The following RYR3 variants were observed in gnomAD, a reference collection of about 807,000 sequenced individuals.
The protein encoded by RYR3 is ryanodine receptor 3, also known as brain ryanodine receptor-calcium release channel.
RYR3 carries 207 observed loss-of-function variants against 584.3 expected under a neutral mutation model. That is an observed-to-expected ratio of 0.35 (90% CI 0.32 to 0.40). RYR3 has a LOEUF of 0.40. RYR3 is among the 10% of genes least tolerant of loss of function. RYR3 has a pLI of 1.00. For synonymous variants in RYR3, 2,416 were observed against 2,248.5 expected (o/e 1.07, Z -2.11); for missense variants, 5,616 against 6,089.2 (o/e 0.92, Z 2.59).
chr15:33,554,771 A>T (rs2056957122), intron 10 of RYR3, among the ~76,000 whole-genome samples: 1 of 152,236 alleles, frequency 6.6e-6, no homozygotes, highest in Admixed American at 6.5e-5. Context: ...TTGCAAGGCC[A>T]TTCCCACAAG....
chr15:33,729,444 A>C (rs2068752602), intron 47 of RYR3, among the ~76,000 whole-genome samples: 1 of 152,190 alleles, frequency 6.6e-6, no homozygotes, highest in South Asian at 2.1e-4. Context: ...CCGTGTCTCT[A>C]TTGCCTTTGA....
chr15:33,850,113 GTTCA>G (rs1381733697), intron 94 of RYR3: 2 of 152,152 alleles, frequency 1.3e-5, no homozygotes, highest in Non-Finnish European at 2.9e-5. Context: ...AGGCACAATG[GTTCA>G]TGCCTGTAAT....
chr15:33,410,722 G>A (rs967554893), intron 1 of RYR3, among the ~76,000 whole-genome samples: 7 of 152,202 alleles, frequency 4.6e-5, no homozygotes, highest in Admixed American at 3.9e-4. Context: ...CATGGCAGTG[G>A]GTGGAAGGCC....
At chr15:33,503,392 C>T (rs1567388396) in intron 2 of RYR3, among the ~76,000 whole-genome samples, 1 of 152,146 alleles carries the variant, frequency 6.6e-6, no homozygotes, top group Non-Finnish European at 1.5e-5. Context: ...CACCAGCCTT[C>T]CCTCAAGTCG....
At chr15:33,662,079 G>T (rs1383774652) in intron 34 of RYR3, 74 bp from the exon 35 acceptor site, 9 of 1,299,470 alleles carry the variant, frequency 6.9e-6, no homozygotes, top group South Asian at 1.5e-5. Context: ...TGCCTTTGTT[G>T]GGCTGGATGA....
intron 3 of RYR3, among the ~76,000 whole-genome samples, chr15:33,515,913 A>G (rs2053477208): frequency 6.6e-6 from 1 of 152,216 alleles, no homozygotes; most frequent in African/African-American, 2.4e-5. Context: ...TGCATAATAG[A>G]TACCACTTCG....
chr15:33,627,353 G>A (rs917379882), intron 20 of RYR3, among the ~76,000 whole-genome samples: 2 of 152,196 alleles, frequency 1.3e-5, no homozygotes, highest in Non-Finnish European at 1.5e-5. Flanking sequence ...CGAGATAGGA[G>A]CAAAACACCA....
At chr15:33,672,701 G>A (rs898276219) in intron 38 of RYR3, among the ~76,000 whole-genome samples, 5 of 152,142 alleles carry the variant, frequency 3.3e-5, no homozygotes, top group African/African-American at 1.2e-4. Flanking sequence ...TAAATTATTG[G>A]TAATTTTGTT....
chr15:33,351,744 T>C (rs1043220077), intron 1 of RYR3, among the ~76,000 whole-genome samples: 2 of 151,492 alleles, frequency 1.3e-5, no homozygotes, highest in Non-Finnish European at 2.9e-5. Flanking sequence ...AAATTAGGTA[T>C]TGATGGGATG....
intron 1 of RYR3, among the ~76,000 whole-genome samples, chr15:33,337,934 A>AGTTTT (rs1971329085): frequency 8.8e-6 from 1 of 113,550 alleles, no homozygotes; most frequent in Non-Finnish European, 1.7e-5. Context: ...ATTTTAGGAG[A>AGTTTT]TTTTTTTTTT....
At chr15:33,794,621 G>A (rs959349441) in intron 67 of RYR3, among the ~76,000 whole-genome samples, 1 of 152,058 alleles carries the variant, frequency 6.6e-6, no homozygotes, top group Non-Finnish European at 1.5e-5. Flanking sequence ...TGCGGTGTTT[G>A]ACAGTTGCTA....
chr15:33,744,142 C>T (rs1304839480), intron 52 of RYR3, among the ~76,000 whole-genome samples: 1 of 152,210 alleles, frequency 6.6e-6, no homozygotes, highest in East Asian at 1.9e-4. Flanking sequence ...CACATTCTCA[C>T]AGCGTTCACC....
At chr15:33,666,562 G>C (rs779420036) in intron 36 of RYR3, among the ~76,000 whole-genome samples, 2 of 152,126 alleles carry the variant, frequency 1.3e-5, no homozygotes, top group Non-Finnish European at 2.9e-5. Flanking sequence ...CAATTTCAGA[G>C]AATAGCAATG....
chr15:33,808,131 C>T (rs1177855040), intron 70 of RYR3, among the ~76,000 whole-genome samples: 3 of 152,208 alleles, frequency 2.0e-5, no homozygotes, highest in Non-Finnish European at 4.4e-5. Flanking sequence ...CTCTGCTCTA[C>T]ACTATGCAGT....
intron 2 of RYR3, among the ~76,000 whole-genome samples, chr15:33,485,077 T>A (rs1388007174): frequency 6.6e-6 from 1 of 151,958 alleles, no homozygotes; most frequent in Non-Finnish European, 1.5e-5. Flanking sequence ...TCCTGAGAGA[T>A]CAGAAAAGAA....
chr15:33,370,354 T>C (rs1392775843), intron 1 of RYR3, among the ~76,000 whole-genome samples: 1 of 152,204 alleles, frequency 6.6e-6, no homozygotes, highest in African/African-American at 2.4e-5. Flanking sequence ...TTGATGTCTG[T>C]AATCATCATG....
chr15:33,328,899 TTTTC>T, intron 1 of RYR3, among the ~76,000 whole-genome samples: 1 of 152,330 alleles, frequency 6.6e-6, no homozygotes, highest in East Asian at 1.9e-4. Context: ...TTTTCCCTTG[TTTTC>T]AGATGTATCT....
chr15:33,853,193 G>A, intron 95 of RYR3, 106 bp downstream of exon 95: 1 of 1,054,548 alleles, frequency 9.5e-7, no homozygotes, highest in Non-Finnish European at 1.4e-6. Context: ...CTACTTTTAT[G>A]ATAATATCTC....
chr15:33,503,741 G>A lies in RYR3; in HGVS notation c.279+3G>A, dbSNP rs746655616. ...CAGGTGAAAATGGCGGCGAAGGGGT[G>A]AGTACCCGAATTGTGTCCTAGGTTG... On this transcript the variant is annotated splice_donor_region_variant and intron_variant, in intron 3 of 103. Transcript: ENST00000634891. 6.3e-7 allele frequency: 1 copy of A among 1,591,202 alleles called. No individual in the cohort carries two copies. Among genetic ancestry groups the A allele is most frequent in the East Asian group, 2.2e-5 (1 of 44,612 alleles).
Sources: gnomAD v4.1 joint callset for allele counts (sites outside exome capture counted in the v4.1 genomes callset) on GRCh38, gnomAD v4.1.1 for gene constraint, MANE v1.5 for transcripts, NCBI Gene and HGNC (gene_info 2026-07-23, HGNC 2026-07-21) for gene names.